Variants in EBF3 observed in about 807,000 individuals in gnomAD.
The protein encoded by EBF3 is transcription factor COE3.
Under a neutral mutation model 77.1 loss-of-function variants are expected in EBF3, and 18 were observed. That is an observed-to-expected ratio of 0.23 (90% CI 0.16 to 0.35). The LOEUF (loss-of-function observed/expected upper bound fraction) is 0.35. Ranked by LOEUF, EBF3 falls within the 10% of genes least tolerant of loss-of-function variation. The probability of loss-of-function intolerance (pLI) is 1.00; values close to 1 mark genes in which losing one functional copy is unlikely to be tolerated. For synonymous variants in EBF3, 350 were observed against 343.5 expected (o/e 1.02, Z -0.21); for missense variants, 558 against 860.0 (o/e 0.65, Z 4.39).
intron 4 of EBF3, among the ~76,000 whole-genome samples, chr10:129,960,097 G>C (rs1859380835): frequency 6.6e-6 from 1 of 150,386 alleles, no homozygotes; most frequent in Middle Eastern, 3.4e-3. Context: ...CACTGGCCTC[G>C]CGAAAAAACA....
chr10:129,961,831 G>A (rs770961602), intron 4 of EBF3, among the ~76,000 whole-genome samples: 25 of 152,218 alleles, frequency 1.6e-4, no homozygotes, highest in Admixed American at 7.2e-4. Context: ...AAATCCAAAT[G>A]AACTGATTCC....
chr10:129,846,864 G>A (rs1850500462), intron 11 of EBF3, among the ~76,000 whole-genome samples: 1 of 132,702 alleles, frequency 7.5e-6, no homozygotes, highest in South Asian at 2.3e-4. Flanking sequence ...CTGTCACCCT[G>A]CTGGAGGGCT....
At chr10:129,894,057 C>T (rs898318442) in intron 6 of EBF3, among the ~76,000 whole-genome samples, 2 of 152,184 alleles carry the variant, frequency 1.3e-5, no homozygotes, top group African/African-American at 2.4e-5. Context: ...TAAGTGCCCC[C>T]CTCCTTCCTA....
At chr10:129,908,839 C>A (rs1030381663) in intron 6 of EBF3, among the ~76,000 whole-genome samples, 1 of 152,162 alleles carries the variant, frequency 6.6e-6, no homozygotes, top group South Asian at 2.1e-4. Flanking sequence ...TTTTAGGATG[C>A]GAGTGATCCA....
chr10:129,866,932 G>A (rs1852058966), intron 10 of EBF3, among the ~76,000 whole-genome samples: 2 of 152,236 alleles, frequency 1.3e-5, no homozygotes, highest in Non-Finnish European at 2.9e-5. Context: ...CACAGCCACG[G>A]GGGCTGCCCC....
At chr10:129,924,923 C>A (rs968827744) in intron 6 of EBF3, among the ~76,000 whole-genome samples, 1 of 152,144 alleles carries the variant, frequency 6.6e-6, no homozygotes, top group Non-Finnish European at 1.5e-5. Flanking sequence ...TCCTACCTCC[C>A]GAAGCGCCGA....
At chr10:129,845,685 G>A (rs975082787) in intron 11 of EBF3, 2 of 152,040 alleles carry the variant, frequency 1.3e-5, no homozygotes, top group Admixed American at 6.6e-5. Flanking sequence ...AAAAAGCGGG[G>A]AAAAGAAGAT....
At position 129,944,834 on chromosome 10, in the gene EBF3, G is replaced by C. The variant is rs1262187264; in HGVS notation, c.554+12424C>G. Among the ~76,000 whole-genome samples the C allele has an allele frequency of 6.6e-6, 1 of 151,600 alleles. No homozygotes were observed. Among genetic ancestry groups the C allele is most frequent in the Non-Finnish European group, 1.5e-5 (1 of 67,938 alleles). On this transcript the variant is annotated intron_variant, in intron 6 of 16. Coordinates refer to ENST00000440978, the MANE Select transcript of EBF3 (RefSeq NM_001375380.1). This position sits in a 1 kb window ranked among gnomAD's most constrained non-coding sequence, Gnocchi z 5.1. The stretch of plus-strand genomic sequence containing the variant: ...CAGCTGTTGCCTAGGATCAAGCAAA[G>C]GTTATTATCCTCTTCGAAAACACTA...
intron 6 of EBF3, among the ~76,000 whole-genome samples, chr10:129,937,159 C>T (rs889079040): frequency 5.9e-5 from 9 of 152,170 alleles, no homozygotes; most frequent in African/African-American, 1.9e-4. Flanking sequence ...GAACAAGATC[C>T]CTGAGTCTAC....
chr10:129,910,263 C>T (rs939441019), intron 6 of EBF3, among the ~76,000 whole-genome samples: 3 of 152,356 alleles, frequency 2.0e-5, no homozygotes, highest in East Asian at 1.9e-4. Context: ...TGTACACATA[C>T]TCAAGTCCCT....
intron 6 of EBF3, among the ~76,000 whole-genome samples, chr10:129,926,506 C>G (rs751715658): frequency 1.3e-5 from 2 of 152,118 alleles, no homozygotes; most frequent in African/African-American, 4.8e-5. Context: ...ATGGACCACT[C>G]AGCCCAAAGC....
intron 6 of EBF3, among the ~76,000 whole-genome samples, chr10:129,903,990 C>G (rs1022197682): frequency 6.6e-6 from 1 of 152,194 alleles, no homozygotes; most frequent in Non-Finnish European, 1.5e-5. Flanking sequence ...AAAGTTGCTG[C>G]CACTCTCAGA....
Position 129,943,797 on chromosome 10 carries a change from G to A in EBF3, c.554+13461C>T, listed in dbSNP as rs1857970772. 6.6e-6 allele frequency among the ~76,000 whole-genome samples: 1 copy of A among 152,150 alleles called. No individual in the cohort carries two copies. The highest frequency in any genetic ancestry group is 2.1e-4 in the South Asian group (1 of 4,822). On this transcript the variant is annotated intron_variant, in intron 6 of 16. Transcript: ENST00000440978. The surrounding 1 kb of genome is among the most constrained non-coding windows in gnomAD (Gnocchi z 8.8). The stretch of plus-strand genomic sequence containing the variant: ...AAGATTCAGTCTCTTTAAGGTTTTT[G>A]GGCTTGATCCTTTTGAGCAGTTTTT...
chr10:129,895,500 G>A (rs1854309121), intron 6 of EBF3, among the ~76,000 whole-genome samples: 1 of 152,176 alleles, frequency 6.6e-6, no homozygotes, highest in African/African-American at 2.4e-5. Flanking sequence ...TCCGAGTATG[G>A]GTAAGGCATT....
chr10:129,915,684 A>G (rs892655049), intron 6 of EBF3, among the ~76,000 whole-genome samples: 6 of 152,202 alleles, frequency 3.9e-5, no homozygotes, highest in Non-Finnish European at 7.3e-5. Context: ...GGAGAGCACA[A>G]TATTTTATTT....
At chr10:129,847,878 T>C (rs1165688796) in intron 11 of EBF3, among the ~76,000 whole-genome samples, 1 of 152,234 alleles carries the variant, frequency 6.6e-6, no homozygotes, top group African/African-American at 2.4e-5. Context: ...GATATTAATA[T>C]GTGGACTTCA....
At chr10:129,853,302 C>T (rs561602486) in intron 10 of EBF3, among the ~76,000 whole-genome samples, 2 of 152,286 alleles carry the variant, frequency 1.3e-5, no homozygotes, top group South Asian at 2.1e-4. Context: ...TTAGGTTTAG[C>T]GCAAATTTTC....
At chr10:129,932,125 TAC>T (rs1857065411) in intron 6 of EBF3, among the ~76,000 whole-genome samples, 1 of 152,222 alleles carries the variant, frequency 6.6e-6, no homozygotes, top group African/African-American at 2.4e-5. Context: ...GGCAGGCAGT[TAC>T]ACACACGGCC....
At chr10:129,914,725 C>T (rs1170317540) in intron 6 of EBF3, among the ~76,000 whole-genome samples, 1 of 152,132 alleles carries the variant, frequency 6.6e-6, no homozygotes, top group Non-Finnish European at 1.5e-5. Context: ...ATGGTAGAGC[C>T]ACCTGCATGG....
Sources: allele counts gnomAD v4.1 joint callset (sites outside exome capture counted in the v4.1 genomes callset), GRCh38; gene constraint gnomAD v4.1.1; non-coding constraint Gnocchi (gnomAD v3.1); transcripts MANE v1.5; gene names NCBI Gene and HGNC (gene_info 2026-07-23, HGNC 2026-07-21).